C1orf159: variants seen among roughly 807,000 people sequenced by gnomAD.
The protein encoded by C1orf159 is chromosome 1 open reading frame 159.
C1orf159 carries 19 observed loss-of-function variants against 25.6 expected under a neutral mutation model. That is an observed-to-expected ratio of 0.74 (90% CI 0.52 to 1.09). The LOEUF (loss-of-function observed/expected upper bound fraction) is 1.09. C1orf159 is among the 50% of genes least tolerant of loss of function. The pLI, the probability that C1orf159 is intolerant of heterozygous loss-of-function variation, is 0.00. For missense variants in C1orf159, 274 were observed against 290.6 expected (o/e 0.94, Z 0.42); for synonymous variants, 139 against 124.7 (o/e 1.12, Z -0.77).
intron 1 of C1orf159, among the ~76,000 whole-genome samples, chr1:1,109,061 T>C (rs946589399): frequency 6.8e-6 from 1 of 147,774 alleles, no homozygotes; most frequent in Non-Finnish European, 1.5e-5. Context: ...AGCCACCATG[T>C]CTCGGCACCG....
rs544082255 is a variant in C1orf159 at position 1,090,460 on chromosome 1, C to T, written c.73-32G>A. 1,463 of 1,548,548 alleles carry T rather than the reference C, an allele frequency of 9.4e-4. 1 individual carries two copies. Among genetic ancestry groups the T allele is most frequent in the Non-Finnish European group, 1.1e-3 (1,224 of 1,145,374 alleles). On this transcript the variant is annotated intron_variant, in intron 3 of 9. Coordinates refer to ENST00000421241, the MANE Select transcript of C1orf159 (RefSeq NM_017891.5). ...GGGACACGGCAGTGAAACTCCAGGA[C>T]GCGCCTGCCAGGCAGGCTCACGCCC...
Position 1,087,428 on chromosome 1 carries a change from A to G in C1orf159, c.244+74T>C. On this transcript the variant is annotated intron_variant, in intron 5 of 9. Coordinates refer to ENST00000421241, the MANE Select transcript of C1orf159 (RefSeq NM_017891.5). This position sits in a 1 kb window ranked among gnomAD's most constrained non-coding sequence, Gnocchi z 8.3. ...TGGCTCTGGGGCAAGGTGGGGACACAGACAGCAACTCCCACAGTGTCTCCC... is the reference window on the plus strand; with the variant it reads ...TGGCTCTGGGGCAAGGTGGGGACACGGACAGCAACTCCCACAGTGTCTCCC... 2.9e-6 allele frequency: 4 copies of G among 1,392,686 alleles called. No individual in the cohort carries two copies. Among genetic ancestry groups the G allele is most frequent in the Non-Finnish European group, 3.9e-6 (4 of 1,019,840 alleles). 86.3% of individuals were successfully genotyped at this position (1,392,686 alleles called of 1,614,324 possible).
chr1:1,091,511 G>A lies in C1orf159; in HGVS notation c.33C>T (p.Gly11=), dbSNP rs570766903. ...ACTTGCTGGCGACTCCCACGAGAAG[G>A]CCAGCCAGGAGGGCGAGGTGCCGCA... MALRHLALLA[G]LLVGVASKSM... is the part of the protein sequence containing the mutation. Residue 11 remains glycine, a synonymous_variant, in exon 3 of 10, where the codon GGC becomes GGT. Coordinates refer to ENST00000421241, the MANE Select transcript of C1orf159 (RefSeq NM_017891.5). 1.3e-6 allele frequency: 2 copies of A among 1,550,210 alleles called. No homozygotes were observed. The highest frequency in any genetic ancestry group is 2.0e-5 in the Admixed American group (1 of 51,010).
intron 1 of C1orf159, chr1:1,106,588 T>C (rs1286432290): frequency 1.3e-5 from 2 of 152,300 alleles, no homozygotes; most frequent in Non-Finnish European, 2.9e-5. Flanking sequence ...CTTAGCAGCA[T>C]TGTTCACCAC....
Position 1,091,491 on chromosome 1 carries a change from C to T in C1orf159, c.53G>A (p.Ser18Asn). ...ACCTACCGTGTTCTCCATGGACTTG[C>T]TGGCGACTCCCACGAGAAGGCCAGC... is the stretch of plus-strand genomic sequence containing the variant. ...LLAGLLVGVA[S>N]KSMENTAQLP... The change falls in exon 3 of 10, where the codon AGC becomes AAC. Residue 18 changes from serine to asparagine, a missense_variant. Coordinates refer to ENST00000421241, the MANE Select transcript of C1orf159 (RefSeq NM_017891.5). 2 of 1,550,314 alleles carry T rather than the reference C, an allele frequency of 1.3e-6. No homozygotes were observed. The highest frequency in any genetic ancestry group is 1.7e-6 in the Non-Finnish European group (2 of 1,146,886).
chr1:1,105,676 G>C (rs978513180), intron 1 of C1orf159, among the ~76,000 whole-genome samples: 2 of 152,090 alleles, frequency 1.3e-5, no homozygotes, highest in Non-Finnish European at 2.9e-5. Flanking sequence ...GGTCAGGAGA[G>C]TGAGACCATC....
At position 1,088,778 on chromosome 1, in the gene C1orf159, G is replaced by A. The variant is rs188027394; in HGVS notation, c.149-1181C>T. Among the ~76,000 whole-genome samples, 10 of 152,222 alleles carry A rather than the reference G, an allele frequency of 6.6e-5. No individual in the cohort carries two copies. The East Asian group carries it at 1.6e-3, about 24-fold the overall frequency. ...CTCACAGACTGATCTGAATACAAACGGGCCGCGGCGACACGGGGACCCCGC... is the reference window on the plus strand; with the variant it reads ...CTCACAGACTGATCTGAATACAAACAGGCCGCGGCGACACGGGGACCCCGC... On this transcript the variant is annotated intron_variant, in intron 4 of 9. Coordinates refer to ENST00000421241, the MANE Select transcript of C1orf159 (RefSeq NM_017891.5).
intron 3 of C1orf159, chr1:1,091,196 G>A (rs972171641): frequency 6.5e-6 from 4 of 615,096 alleles, no homozygotes; most frequent in Admixed American, 2.9e-5. Flanking sequence ...TGTCACCGCT[G>A]GCAGAGGTGC....
chr1:1,083,258 C>A, intron 9 of C1orf159: 1 of 433,974 alleles, frequency 2.3e-6, no homozygotes, highest in Non-Finnish European at 4.1e-6. Flanking sequence ...AGGCGATCCC[C>A]GAAGACAGAG....
intron 1 of C1orf159, among the ~76,000 whole-genome samples, chr1:1,099,638 G>A (rs1309451147): frequency 4.2e-4 from 64 of 151,626 alleles, no homozygotes; most frequent in African/African-American, 1.4e-3. Context: ...GAGAGAGAGA[G>A]GTTAAAATCT....
At position 1,108,626 on chromosome 1, in the gene C1orf159, T is replaced by TG. The variant is rs71582036; in HGVS notation, c.-136+7433_-136+7434insC. ...CACCGTTCACCACAGCCACCATGTC[T>TG]CAGCAGCACCGTCCACCACAGCCAC... On this transcript the variant is annotated intron_variant, in intron 1 of 9. Transcript: ENST00000421241. 2.8e-4 allele frequency among the ~76,000 whole-genome samples: 22 copies of TG among 78,728 alleles called. 1 individual carries two copies. The highest frequency in any genetic ancestry group is 1.1e-3 in the African/African-American group (13 of 11,676). The allele number at this position is 78,728 out of a possible 152,430, so 51.6% of individuals were successfully genotyped here.
intron 3 of C1orf159, 137 bp from the exon 4 acceptor site, chr1:1,090,565 G>A (rs1419621206): frequency 5.5e-6 from 5 of 914,102 alleles, no homozygotes; most frequent in Non-Finnish European, 6.7e-6. Flanking sequence ...TCAGCATCGG[G>A]TGGCCCTCTG....
chr1:1,105,445 G>A (rs936995053), intron 1 of C1orf159, among the ~76,000 whole-genome samples: 2 of 152,064 alleles, frequency 1.3e-5, no homozygotes, highest in African/African-American at 4.8e-5. Context: ...GGTTGAGGCT[G>A]CAGTGAGCCG....
intron 3 of C1orf159, 29 bp from the exon 4 acceptor site, chr1:1,090,457 G>A: frequency 6.5e-7 from 1 of 1,549,032 alleles, no homozygotes; most frequent in Non-Finnish European, 8.7e-7. Flanking sequence ...TGAAACTCCA[G>A]GACGCGCCTG....
At chr1:1,083,637 A>C in intron 9 of C1orf159, 1 of 477,740 alleles carries the variant, frequency 2.1e-6, no homozygotes, top group Non-Finnish European at 3.7e-6. Context: ...TAGGATAGTC[A>C]GATTAAAGGT....
chr1:1,084,105 C>T, intron 9 of C1orf159: 1 of 1,589,144 alleles, frequency 6.3e-7, no homozygotes, highest in Non-Finnish European at 8.6e-7. Flanking sequence ...CAGGAAAGAG[C>T]ATGGAAGTCA....
chr1:1,101,824 C>T (rs1015328871), intron 1 of C1orf159, among the ~76,000 whole-genome samples: 1 of 152,056 alleles, frequency 6.6e-6, no homozygotes, highest in Non-Finnish European at 1.5e-5. Context: ...GTAATCCCAG[C>T]ACTTTAGGAA....
rs542247975 is a variant in C1orf159 at position 1,088,409 on chromosome 1, G to A, written c.149-812C>T. On this transcript the variant is annotated intron_variant, in intron 4 of 9. Transcript: ENST00000421241. The stretch of plus-strand genomic sequence containing the variant: ...CTCGCACCCCGTGTTCCCTCATGCC[G>A]CCCAAGCAGGATAGGCCCACCCGCC... 5.6e-5 allele frequency among the ~76,000 whole-genome samples: 7 copies of A among 124,850 alleles called. No individual in the cohort carries two copies. The East Asian group carries it at 1.2e-3, about 22-fold the overall frequency. The allele number at this position is 124,850 out of a possible 152,430, so 81.9% of individuals were successfully genotyped here. A position where few individuals can be genotyped will look rare whatever the true frequency, so the allele number is the denominator to read the frequency against.
intron 3 of C1orf159, chr1:1,090,852 G>A: frequency 6.5e-7 from 1 of 1,533,594 alleles, no homozygotes; most frequent in Non-Finnish European, 8.8e-7. Flanking sequence ...GTACTGCACA[G>A]GTGCGCTGGG....
Sources: allele counts gnomAD v4.1 joint callset (sites outside exome capture counted in the v4.1 genomes callset), GRCh38; gene constraint gnomAD v4.1.1; non-coding constraint Gnocchi (gnomAD v3.1); transcripts MANE v1.5; gene names NCBI Gene and HGNC (gene_info 2026-07-23, HGNC 2026-07-21).